Variants in SLC5A3 observed in about 807,000 individuals in gnomAD.
SLC5A3 encodes the protein sodium/myo-inositol cotransporter.
In SLC5A3, 10 loss-of-function variants were observed where a neutral mutation model predicts 43.2. The observed-to-expected ratio is 0.23, with a 90% CI of 0.14 to 0.39. The LOEUF (loss-of-function observed/expected upper bound fraction) is 0.39. Ranked by LOEUF, SLC5A3 falls within the 10% of genes least tolerant of loss-of-function variation. The pLI, the probability that SLC5A3 is intolerant of heterozygous loss-of-function variation, is 1.00. For missense variants in SLC5A3, 608 were observed against 893.4 expected, an observed-to-expected ratio of 0.68 and a Z score of 4.07; for synonymous variants, 349 against 322.0, an observed-to-expected ratio of 1.08 and a Z score of -0.90.
chr21:34,074,114 G>A (rs1032117631), intron 1 of SLC5A3, among the ~76,000 whole-genome samples: 2 of 148,294 alleles, frequency 1.3e-5, no homozygotes, highest in Non-Finnish European at 3.0e-5. Flanking sequence ...CGCCCAGCCC[G>A]ACTCCGGCCC....
chr21:34,077,379 C>CTAATTACGTCT (rs1989358004), intron 1 of SLC5A3, among the ~76,000 whole-genome samples: 1 of 152,160 alleles, frequency 6.6e-6, no homozygotes. Flanking sequence ...TTTAGGAACG[C>CTAATTACGTCT]TAATTACGTC....
Position 34,106,165 on chromosome 21 carries a change from C to T in SLC5A3, c.*8810C>T, listed in dbSNP as rs1979466872. ...ACTACATTTCTTGCAAAGTACATTC[C>T]TTTCTGTGGTATTTTGTCCTGTAAC... On this transcript the variant is annotated 3_prime_UTR_variant, in exon 2 of 2. Coordinates refer to ENST00000381151, the MANE Select transcript of SLC5A3 (RefSeq NM_006933.7). 1 of 989,960 alleles carries T rather than the reference C, an allele frequency of 1.0e-6. No individual in the cohort carries two copies. Among genetic ancestry groups the T allele is most frequent in the South Asian group, 4.7e-5 (1 of 21,080 alleles). 61.3% of individuals were successfully genotyped at this position (989,960 alleles called of 1,614,324 possible).
At chr21:34,074,491 G>A (rs867388970) in intron 1 of SLC5A3, among the ~76,000 whole-genome samples, 72 of 152,326 alleles carry the variant, frequency 4.7e-4, no homozygotes, top group African/African-American at 1.7e-3. Context: ...GGGATTTCAG[G>A]TTTGGAGGGA....
In SLC5A3 at chr21:34,098,723, A is replaced by T. The variant is rs1979088667; in HGVS notation, c.*1368A>T. ...AGGACTGTGTAATTATAGGACTCTA[A>T]CTTGACATGGCTTGGCACCCACTTG... On this transcript the variant is annotated 3_prime_UTR_variant, in exon 2 of 2. Transcript: ENST00000381151. The T allele has an allele frequency of 1.0e-6, 1 of 1,000,144 alleles. No homozygotes were observed. The highest frequency in any genetic ancestry group is 1.2e-6 in the Non-Finnish European group (1 of 829,996). 62.0% of individuals were successfully genotyped at this position (1,000,144 alleles called of 1,614,324 possible). A position where few individuals can be genotyped will look rare whatever the true frequency, so the allele number is the denominator to read the frequency against.
Position 34,098,160 on chromosome 21 carries a change from TTA to T in SLC5A3, c.*810_*811del. ...TATTTATTGATCATATTAAGGTTGT[TTA>T]TATAGTTTGGAAATGACCAGCCCCC... is the stretch of plus-strand genomic sequence containing the variant. On this transcript the variant is annotated 3_prime_UTR_variant, in exon 2 of 2. Transcript: ENST00000381151. The T allele has an allele frequency of 1.0e-6, 1 of 1,000,074 alleles. No homozygotes were observed. The highest frequency in any genetic ancestry group is 1.2e-6 in the Non-Finnish European group (1 of 829,910). 62.0% of individuals were successfully genotyped at this position (1,000,074 alleles called of 1,614,324 possible). A position where few individuals can be genotyped will look rare whatever the true frequency, so the allele number is the denominator to read the frequency against.
Position 34,096,513 on chromosome 21 carries a change from C to G in SLC5A3, c.1315C>G (p.Leu439Val). 1.2e-6 allele frequency: 2 copies of G among 1,614,122 alleles called. No homozygotes were observed. Among genetic ancestry groups the G allele is most frequent in the East Asian group, 4.5e-5 (2 of 44,888 alleles). ...IVEMQGGQMY[L>V]YIQEVADYLT... is the part of the protein sequence containing the mutation. ...GGAGATGCAAGGAGGCCAGATGTAC[C>G]TTTACATTCAGGAGGTAGCAGATTA... is the stretch of plus-strand genomic sequence containing the variant. Residue 439 changes from leucine to valine, a missense_variant, in exon 2 of 2, where the codon CTT becomes GTT. Physicochemically the swap from Leu to Val is conservative, Grantham distance 32. Transcript: ENST00000381151. This position sits in a 1 kb window ranked among gnomAD's most constrained non-coding sequence, Gnocchi z 5.9.
chr21:34,095,768 G>T lies in SLC5A3; in HGVS notation c.570G>T (p.Leu190=), dbSNP rs777170505. The T allele has an allele frequency of 2.5e-6, 4 of 1,614,060 alleles. 1 individual carries two copies. The highest frequency in any genetic ancestry group is 3.4e-6 in the Non-Finnish European group (4 of 1,179,992). ...TCTACACAGACACTCTGCAGGCTCT[G>T]CTCATGATCATTGGGGCACTTACAC... The part of the protein sequence containing the change: ...AVIYTDTLQA[L]LMIIGALTLM... Residue 190 remains leucine, a synonymous_variant, in exon 2 of 2, where the codon CTG becomes CTT. Transcript: ENST00000381151.
chr21:34,078,151 T>C (rs955759800), intron 1 of SLC5A3, among the ~76,000 whole-genome samples: 9 of 152,198 alleles, frequency 5.9e-5, no homozygotes, highest in Non-Finnish European at 1.0e-4. Flanking sequence ...GTCTTTTTTT[T>C]CTTCCCATGG....
rs549386528 is a variant in SLC5A3 at position 34,104,175 on chromosome 21, T to G, written c.*6820T>G. On this transcript the variant is annotated 3_prime_UTR_variant, in exon 2 of 2. Transcript: ENST00000381151. ...TTCATTTTAATAAAGGATAATTTGA[T>G]CTGAGTGTTCTGAGCATCAGACTAA... 58 of 999,994 alleles carry G rather than the reference T, an allele frequency of 5.8e-5. No homozygotes were observed. Among genetic ancestry groups the G allele is most frequent in the Non-Finnish European group, 6.5e-5 (54 of 829,964 alleles). The allele number at this position is 999,994 out of a possible 1,614,324, so 61.9% of individuals were successfully genotyped here.
intron 1 of SLC5A3, among the ~76,000 whole-genome samples, chr21:34,088,044 A>T (rs1465369581): frequency 1.3e-5 from 2 of 152,212 alleles, no homozygotes; most frequent in Non-Finnish European, 2.9e-5. Flanking sequence ...CAAATTATTC[A>T]TACCCCGGAA....
rs1205949697 is a variant in SLC5A3, at chr21:34,097,005, G to A, written c.1807G>A (p.Val603Ile). 6.2e-7 allele frequency: 1 copy of A among 1,614,118 alleles called. No individual in the cohort carries two copies. The highest frequency in any genetic ancestry group is 8.5e-7 in the Non-Finnish European group (1 of 1,179,992). The change falls in exon 2 of 2, where the codon GTT becomes ATT. Residue 603 changes from valine (V) to isoleucine (I), a missense_variant. Around this residue, in one of 2 missense-constraint regions of SLC5A3, gnomAD observed 210 missense variants for 224.8 expected, o/e 0.93. Transcript: ENST00000381151. ...CATTAAGGGCCTTCAGCCTGAAGAT[G>A]TTAATCTGTTGGTAACCTGCAGAGA... ...DSIKGLQPED[V>I]NLLVTCREEG...
chr21:34,104,522 G>C lies in SLC5A3; in HGVS notation c.*7167G>C. ...TTATATAATTATCCTTTTAGGGAAA[G>C]ACTTGGTCAACTCTAATATATCTAG... is the stretch of plus-strand genomic sequence containing the variant. On this transcript the variant is annotated 3_prime_UTR_variant, in exon 2 of 2. Transcript: ENST00000381151. 3 of 998,330 alleles carry C rather than the reference G, an allele frequency of 3.0e-6. No homozygotes were observed. The highest frequency in any genetic ancestry group is 3.6e-6 in the Non-Finnish European group (3 of 828,294). The allele number at this position is 998,330 out of a possible 1,614,324, so 61.8% of individuals were successfully genotyped here. A position where few individuals can be genotyped will look rare whatever the true frequency, so the allele number is the denominator to read the frequency against.
At chr21:34,088,435 A>G (rs1978510137) in intron 1 of SLC5A3, among the ~76,000 whole-genome samples, 2 of 152,364 alleles carry the variant, frequency 1.3e-5, no homozygotes, top group South Asian at 2.1e-4. Flanking sequence ...CATTTTATCC[A>G]TACACATCCA....
At chr21:34,088,044 A>G (rs1465369581) in intron 1 of SLC5A3, among the ~76,000 whole-genome samples, 1 of 152,212 alleles carries the variant, frequency 6.6e-6, no homozygotes, top group Non-Finnish European at 1.5e-5. Flanking sequence ...CAAATTATTC[A>G]TACCCCGGAA....
chr21:34,085,964 C>G (rs1291104541), intron 1 of SLC5A3, among the ~76,000 whole-genome samples: 1 of 152,190 alleles, frequency 6.6e-6, no homozygotes, highest in African/African-American at 2.4e-5. Context: ...CTTAACACCT[C>G]ATGTTCATGT....
At position 34,095,453 on chromosome 21, in the gene SLC5A3, T is replaced by A; in HGVS notation, c.255T>A (p.Asn85Lys). The A allele has an allele frequency of 6.2e-7, 1 of 1,614,150 alleles. No homozygotes were observed. The highest frequency in any genetic ancestry group is 8.5e-7 in the Non-Finnish European group (1 of 1,179,994). Residue 85 changes from asparagine (N) to lysine (K), a missense_variant, in exon 2 of 2, where the codon AAT becomes AAA. Physicochemically the swap from Asn to Lys is moderately conservative, Grantham distance 94. Around this residue, in one of 2 missense-constraint regions of SLC5A3, gnomAD observed 398 missense variants for 668.6 expected, o/e 0.60. Transcript: ENST00000381151. ...SGFAVGAWEF[N>K]ALLLLQLLGW... ...TTGCAGTGGGCGCATGGGAATTCAA[T>A]GCCTTACTGCTTTTACAACTTCTGG...
At position 34,105,108 on chromosome 21, in the gene SLC5A3, T is replaced by C. The variant is rs1269140234; in HGVS notation, c.*7753T>C. 11 of 1,000,132 alleles carry C rather than the reference T, an allele frequency of 1.1e-5. No individual in the cohort carries two copies. The highest frequency in any genetic ancestry group is 1.7e-5 in the African/African-American group (1 of 57,258). 62.0% of individuals were successfully genotyped at this position (1,000,132 alleles called of 1,614,324 possible). ...AGCTTTATTTTTTTTAATAATGCCA[T>C]ACTCCATTAGTGTCAGATGATGGTA... On this transcript the variant is annotated 3_prime_UTR_variant, in exon 2 of 2. Transcript: ENST00000381151.
chr21:34,075,023 G>A (rs1989292907), intron 1 of SLC5A3, among the ~76,000 whole-genome samples: 1 of 152,196 alleles, frequency 6.6e-6, no homozygotes, highest in African/African-American at 2.4e-5. Flanking sequence ...TATCTGTTCA[G>A]CCTCTTGAAT....
In SLC5A3 at chr21:34,099,444, G is replaced by C; in HGVS notation, c.*2089G>C. On this transcript the variant is annotated 3_prime_UTR_variant, in exon 2 of 2. Coordinates refer to ENST00000381151, the MANE Select transcript of SLC5A3 (RefSeq NM_006933.7). The stretch of plus-strand genomic sequence containing the variant: ...CTTTGGGACAACCTTTTGGTGTTTG[G>C]GAAAGTAATAAGATCTTGGATTTTT... 1 of 1,000,104 alleles carries C rather than the reference G, an allele frequency of 1.0e-6. No individual in the cohort carries two copies. Among genetic ancestry groups the C allele is most frequent in the South Asian group, 4.7e-5 (1 of 21,288 alleles). 62.0% of individuals were successfully genotyped at this position (1,000,104 alleles called of 1,614,324 possible).
Sources: gnomAD v4.1 joint callset for allele counts (sites outside exome capture counted in the v4.1 genomes callset) on GRCh38, gnomAD v4.1.1 for gene constraint, gnomAD v4.1.1 regional missense constraint, Gnocchi (gnomAD v3.1) non-coding constraint, MANE v1.5 for transcripts, NCBI Gene and HGNC (gene_info 2026-07-23, HGNC 2026-07-21) for gene names.